The following AQP9 variants were observed in gnomAD, a reference collection of about 807,000 sequenced individuals.
AQP9 encodes the protein aquaporin-9.
AQP9 carries 19 observed loss-of-function variants against 23.8 expected under a neutral mutation model. The ratio of observed to expected loss-of-function variants is 0.80; its 90% CI spans 0.56 to 1.17. The LOEUF (loss-of-function observed/expected upper bound fraction) is 1.17. AQP9 is among the 50% of genes most tolerant of loss of function. The pLI is 0.00. For synonymous variants in AQP9, 153 were observed against 131.5 expected (o/e 1.16, Z -1.12); for missense variants, 413 against 362.0 (o/e 1.14, Z -1.14).
intron 1 of AQP9, among the ~76,000 whole-genome samples, chr15:58,165,369 T>A (rs373376319): frequency 7.2e-5 from 11 of 152,238 alleles, no homozygotes; most frequent in East Asian, 3.9e-4. Context: ...GCCCATTTTT[T>A]TAAAAAAATT....
chr15:58,173,341 A>G (rs1257117283), intron 3 of AQP9, 136 bp downstream of exon 3: 1 of 1,282,920 alleles, frequency 7.8e-7, no homozygotes, highest in Non-Finnish European at 1.1e-6. Flanking sequence ...TAAATTTGAG[A>G]AAATGAGGCC....
chr15:58,145,312 G>A (rs1485829871), intron 1 of AQP9, among the ~76,000 whole-genome samples: 1 of 151,936 alleles, frequency 6.6e-6, no homozygotes, highest in African/African-American at 2.4e-5. Context: ...AGACCAGCCT[G>A]GCCAACATGG....
chr15:58,172,962 GTAGT>G (rs1347904910), intron 2 of AQP9, 102 bp from the exon 3 acceptor site: 2 of 1,414,672 alleles, frequency 1.4e-6, no homozygotes, highest in African/African-American at 2.9e-5. Flanking sequence ...CTCATAGGCA[GTAGT>G]TCTCTGCCTA....
At chr15:58,155,446 A>G (rs1898231006) in intron 1 of AQP9, 1 of 152,190 alleles carries the variant, frequency 6.6e-6, no homozygotes, top group Non-Finnish European at 1.5e-5. Flanking sequence ...ACCTTGTGCA[A>G]TGAATCTGAG....
In AQP9 at chr15:58,184,987, G is replaced by A. The variant is rs1490212927; in HGVS notation, c.*852G>A. The A allele has an allele frequency of 6.6e-6, 1 of 152,064 alleles. No homozygotes were observed. Among genetic ancestry groups the A allele is most frequent in the Non-Finnish European group, 1.5e-5 (1 of 68,030 alleles). The allele number at this position is 152,064 out of a possible 1,614,324, so 9.4% of individuals were successfully genotyped here. A position where few individuals can be genotyped will look rare whatever the true frequency, so the allele number is the denominator to read the frequency against. ...CAGACATTTGACAAGTTATATCAAC[G>A]ACTGTGCTTGTCCATTATTTTACAC... On this transcript the variant is annotated 3_prime_UTR_variant, in exon 6 of 6. Coordinates refer to ENST00000219919, the MANE Select transcript of AQP9 (RefSeq NM_020980.5).
chr15:58,151,767 A>G (rs541292303), intron 1 of AQP9: 1 of 152,102 alleles, frequency 6.6e-6, no homozygotes, highest in African/African-American at 2.4e-5. Context: ...ATACCTCTAT[A>G]TGGACTTCAC....
intron 5 of AQP9, among the ~76,000 whole-genome samples, chr15:58,182,686 T>C (rs1246208236): frequency 1.3e-5 from 2 of 152,110 alleles, no homozygotes; most frequent in African/African-American, 4.8e-5. Context: ...GGAAGGGCAC[T>C]GTGAGGGCGG....
intron 5 of AQP9, 93 bp downstream of exon 5, chr15:58,179,438 A>G: frequency 1.7e-6 from 2 of 1,166,274 alleles, no homozygotes; most frequent in Non-Finnish European, 2.4e-6. Context: ...GGAAGTTCAG[A>G]TGACAGCGCC....
Position 58,179,251 on chromosome 15 carries a change from CTGGGACTGAACAGTGGCTGTGCCAT to C in AQP9, c.620_644del (p.Leu207ArgfsTer7). 1 of 1,614,190 alleles carries C rather than the reference CTGGGACTGAACAGTGGCTGTGCCAT, an allele frequency of 6.2e-7. No homozygotes were observed. The highest frequency in any genetic ancestry group is 1.1e-5 in the South Asian group (1 of 91,080). ...CCTGATTATTGTCATTGCTTCCTCC[CTGGGACTGAACAGTGGCTGTGCCAT>C]GAACCCAGCTCGAGACCTGAGTCCC... On this transcript the variant is annotated frameshift_variant, in exon 5 of 6. Transcript: ENST00000219919. LOFTEE classifies it high-confidence loss of function.
chr15:58,160,444 T>C (rs1898351797), intron 1 of AQP9, among the ~76,000 whole-genome samples: 1 of 152,196 alleles, frequency 6.6e-6, no homozygotes, highest in African/African-American at 2.4e-5. Flanking sequence ...AAATTTTTTA[T>C]CTTTTCCTGC....
At chr15:58,148,025 T>C (rs2140589837) in intron 1 of AQP9, among the ~76,000 whole-genome samples, 1 of 152,254 alleles carries the variant, frequency 6.6e-6, no homozygotes, top group Middle Eastern at 3.4e-3. Context: ...GGAAACACAT[T>C]TCTTATATTT....
chr15:58,157,018 G>A (rs556550284), intron 1 of AQP9, among the ~76,000 whole-genome samples: 3 of 152,142 alleles, frequency 2.0e-5, no homozygotes, highest in South Asian at 2.1e-4. Context: ...ACATATATAC[G>A]TGTGTACAAA....
At chr15:58,182,791 A>G (rs1198321589) in intron 5 of AQP9, among the ~76,000 whole-genome samples, 1 of 152,130 alleles carries the variant, frequency 6.6e-6, no homozygotes, top group Admixed American at 6.5e-5. Context: ...TGCAAGGGCA[A>G]TGGAGGACTT....
chr15:58,140,766 TG>T (rs1242891867), intron 1 of AQP9, among the ~76,000 whole-genome samples: 53 of 152,314 alleles, frequency 3.5e-4, no homozygotes, highest in African/African-American at 1.1e-3. Context: ...TATGTGAGAT[TG>T]TTTTTTTTCC....
At chr15:58,139,794 C>T (rs1404644792) in intron 1 of AQP9, among the ~76,000 whole-genome samples, 1 of 152,164 alleles carries the variant, frequency 6.6e-6, no homozygotes, top group African/African-American at 2.4e-5. Flanking sequence ...AGACCAGATT[C>T]GTTACAGTAT....
chr15:58,156,860 G>A (rs184476767), intron 1 of AQP9, among the ~76,000 whole-genome samples: 81 of 152,230 alleles, frequency 5.3e-4, no homozygotes, highest in African/African-American at 1.9e-3. Context: ...ATCTGGCTAA[G>A]GGTAGGCTTA....
intron 1 of AQP9, among the ~76,000 whole-genome samples, chr15:58,157,749 G>T (rs1205590717): frequency 6.6e-6 from 1 of 152,160 alleles, no homozygotes; most frequent in Non-Finnish European, 1.5e-5. Context: ...GTGGGTGCTT[G>T]ATCATCTAAC....
intron 1 of AQP9, chr15:58,151,765 A>G (rs1476962125): frequency 1.3e-5 from 2 of 152,102 alleles, no homozygotes; most frequent in Admixed American, 6.6e-5. Flanking sequence ...AAATACCTCT[A>G]TATGGACTTC....
At chr15:58,147,362 C>T (rs1898065166) in intron 1 of AQP9, among the ~76,000 whole-genome samples, 1 of 152,106 alleles carries the variant, frequency 6.6e-6, no homozygotes, top group Non-Finnish European at 1.5e-5. Context: ...GTGAAAGTGA[C>T]CTAACAACCC....
Sources: gnomAD v4.1 joint callset for allele counts (sites outside exome capture counted in the v4.1 genomes callset) on GRCh38, gnomAD v4.1.1 for gene constraint, MANE v1.5 for transcripts, NCBI Gene and HGNC (gene_info 2026-07-23, HGNC 2026-07-21) for gene names.